ADAMTS17: variants seen among roughly 807,000 people sequenced by gnomAD.
ADAMTS17 encodes A disintegrin and metalloproteinase with thrombospondin motifs 17.
Under a neutral mutation model 141.5 loss-of-function variants are expected in ADAMTS17, and 113 were observed. The ratio of observed to expected loss-of-function variants is 0.80; its 90% confidence interval spans 0.69 to 0.93. The LOEUF (loss-of-function observed/expected upper bound fraction) is 0.93, where lower values mean the gene tolerates loss of function less well. Ranked by LOEUF, ADAMTS17 falls within the 40% of genes least tolerant of loss-of-function variation. The probability of loss-of-function intolerance (pLI) is 0.00; values close to 1 mark genes in which losing one functional copy is unlikely to be tolerated. For missense variants in ADAMTS17, 1,659 were observed against 1,517.9 expected, an observed-to-expected ratio of 1.09 and a Z score of -1.54; for synonymous variants, 768 against 630.6, an observed-to-expected ratio of 1.22 and a Z score of -3.27.
chr15:100,185,348 T>G (rs377275183), intron 8 of ADAMTS17, among the ~76,000 whole-genome samples: 1 of 152,184 alleles, frequency 6.6e-6, no homozygotes, highest in Non-Finnish European at 1.5e-5. Context: ...AGGGTACACA[T>G]GTGTTTTAAG....
intron 3 of ADAMTS17, among the ~76,000 whole-genome samples, chr15:100,320,521 G>C (rs1047542222): frequency 3.3e-5 from 5 of 152,160 alleles, no homozygotes; most frequent in Non-Finnish European, 2.9e-5. Context: ...TTCCACATTT[G>C]GATAAATCGT....
chr15:100,172,957 T>C (rs2040214066), intron 8 of ADAMTS17, among the ~76,000 whole-genome samples: 1 of 152,186 alleles, frequency 6.6e-6, no homozygotes, highest in Non-Finnish European at 1.5e-5. Flanking sequence ...TTGAGAGCCA[T>C]TGCTGCAGTG....
At chr15:100,247,028 C>A (rs1418076148) in intron 7 of ADAMTS17, among the ~76,000 whole-genome samples, 1 of 152,118 alleles carries the variant, frequency 6.6e-6, no homozygotes, top group Non-Finnish European at 1.5e-5. Context: ...GGATTACAGA[C>A]ACCCACCACC....
intron 3 of ADAMTS17, among the ~76,000 whole-genome samples, chr15:100,304,705 C>G (rs2045161946): frequency 6.6e-6 from 1 of 152,196 alleles, no homozygotes; most frequent in African/African-American, 2.4e-5. Flanking sequence ...CATTTCTGCT[C>G]TGTACTGCCG....
chr15:100,049,159 C>T (rs1426250928), intron 17 of ADAMTS17, among the ~76,000 whole-genome samples, 167 bp from the exon 18 acceptor site: 4 of 152,114 alleles, frequency 2.6e-5, no homozygotes, highest in African/African-American at 7.2e-5. Flanking sequence ...GAACTATAAT[C>T]GTAGGGAGGA....
intron 2 of ADAMTS17, among the ~76,000 whole-genome samples, chr15:100,339,863 G>A (rs1036035927): frequency 1.3e-5 from 2 of 152,170 alleles, no homozygotes; most frequent in African/African-American, 2.4e-5. Flanking sequence ...GATACCCGCA[G>A]GACTGGGAAG....
intron 15 of ADAMTS17, among the ~76,000 whole-genome samples, chr15:100,088,888 A>G (rs1203974511): frequency 6.6e-6 from 1 of 152,170 alleles, no homozygotes; most frequent in Non-Finnish European, 1.5e-5. Context: ...GAAAAACCCT[A>G]GAAGAAAACC....
At chr15:99,996,116 G>A (rs1406851441) in intron 19 of ADAMTS17, among the ~76,000 whole-genome samples, 4 of 150,718 alleles carry the variant, frequency 2.7e-5, no homozygotes, top group African/African-American at 4.9e-5. Flanking sequence ...GTGCAATGGC[G>A]CAATCTCGGC....
chr15:100,073,086 T>A (rs2034100623), intron 15 of ADAMTS17, among the ~76,000 whole-genome samples: 1 of 151,932 alleles, frequency 6.6e-6, no homozygotes, highest in African/African-American at 2.4e-5. Flanking sequence ...AACAGCCCCA[T>A]CAAAAAGTGG....
intron 8 of ADAMTS17, among the ~76,000 whole-genome samples, chr15:100,163,764 G>A (rs577016487): frequency 2.6e-5 from 4 of 152,152 alleles, no homozygotes; most frequent in Non-Finnish European, 5.9e-5. Flanking sequence ...GTAGCTCCTA[G>A]GAAGTTTTCA....
At chr15:100,205,814 G>C (rs1027113315) in intron 7 of ADAMTS17, among the ~76,000 whole-genome samples, 1 of 152,224 alleles carries the variant, frequency 6.6e-6, no homozygotes, top group Non-Finnish European at 1.5e-5. Flanking sequence ...AAGAGACAAA[G>C]GCGGTAGAAA....
intron 3 of ADAMTS17, among the ~76,000 whole-genome samples, chr15:100,283,340 G>A (rs1431319715): frequency 6.6e-6 from 1 of 152,180 alleles, no homozygotes; most frequent in East Asian, 1.9e-4. Context: ...AAGGAAAGAG[G>A]CCGCTGGTGG....
chr15:100,013,069 G>A (rs2061219642), intron 18 of ADAMTS17, among the ~76,000 whole-genome samples: 1 of 152,130 alleles, frequency 6.6e-6, no homozygotes, highest in Non-Finnish European at 1.5e-5. Context: ...TTTCAGCGGT[G>A]TTTTATAGTT....
chr15:99,986,086 A>G (rs981458984), intron 20 of ADAMTS17, among the ~76,000 whole-genome samples: 8 of 151,768 alleles, frequency 5.3e-5, no homozygotes, highest in Non-Finnish European at 1.2e-4. Flanking sequence ...TGCCGGCTGA[A>G]CTGAAGTGGC....
At chr15:100,032,799 G>A (rs193275844) in intron 18 of ADAMTS17, among the ~76,000 whole-genome samples, 3 of 152,268 alleles carry the variant, frequency 2.0e-5, no homozygotes, top group East Asian at 1.9e-4. Flanking sequence ...TAAGCGTCTC[G>A]AAGTCTTCAT....
At chr15:100,251,093 A>G (rs1012631683) in intron 7 of ADAMTS17, among the ~76,000 whole-genome samples, 2 of 152,172 alleles carry the variant, frequency 1.3e-5, no homozygotes, top group African/African-American at 2.4e-5. Flanking sequence ...TAAAAAAGAA[A>G]AAAAGGCATC....
chr15:100,130,114 C>G (rs1161254707), intron 12 of ADAMTS17, among the ~76,000 whole-genome samples: 2 of 152,164 alleles, frequency 1.3e-5, no homozygotes, highest in Admixed American at 1.3e-4. Flanking sequence ...CCTGTAATCC[C>G]AGCATTTTGG....
intron 7 of ADAMTS17, among the ~76,000 whole-genome samples, chr15:100,221,466 TG>T (rs1267847372): frequency 6.6e-6 from 1 of 152,240 alleles, no homozygotes; most frequent in African/African-American, 2.4e-5. Flanking sequence ...TTGTTCTGAA[TG>T]GTCAGCCGTT....
At chr15:100,192,966 G>A (rs779682268) in intron 8 of ADAMTS17, among the ~76,000 whole-genome samples, 1 of 152,154 alleles carries the variant, frequency 6.6e-6, no homozygotes, top group Admixed American at 6.5e-5. Context: ...CTGCAGGCCA[G>A]GCAAGCACGT....
Sources: gnomAD v4.1 joint callset for allele counts (sites outside exome capture counted in the v4.1 genomes callset) on GRCh38, gnomAD v4.1.1 for gene constraint, MANE v1.5 for transcripts, NCBI Gene and HGNC (gene_info 2026-07-23, HGNC 2026-07-21) for gene names.